CTNND2: variants seen among roughly 807,000 people sequenced by gnomAD.
CTNND2 encodes catenin delta-2.
Under a neutral mutation model 144.4 loss-of-function variants are expected in CTNND2, and 22 were observed. The ratio of observed to expected loss-of-function variants is 0.15; its 90% CI spans 0.11 to 0.22. The LOEUF is 0.22. Ranked by LOEUF, CTNND2 falls within the 10% of genes least tolerant of loss-of-function variation. The pLI is 1.00. For synonymous variants in CTNND2, 751 were observed against 695.6 expected (o/e 1.08, Z -1.25); for missense variants, 1,353 against 1,618.8 (o/e 0.84, Z 2.82).
chr5:11,709,309 A>G (rs1055844335), intron 2 of CTNND2, among the ~76,000 whole-genome samples: 10 of 152,318 alleles, frequency 6.6e-5, no homozygotes, highest in Middle Eastern at 3.4e-3. Context: ...CATAGCTGCT[A>G]TTCTTTAGGA....
At chr5:11,844,571 T>C (rs1794643970) in intron 1 of CTNND2, among the ~76,000 whole-genome samples, 1 of 152,164 alleles carries the variant, frequency 6.6e-6, no homozygotes, top group Admixed American at 6.6e-5. Context: ...AAAATAGCTC[T>C]GGCATTAGTA....
At chr5:11,152,075 C>A (rs141509718) in intron 12 of CTNND2, among the ~76,000 whole-genome samples, 19 of 152,118 alleles carry the variant, frequency 1.2e-4, no homozygotes, top group Middle Eastern at 3.4e-3. Flanking sequence ...AGCTTTTATA[C>A]GTAAAGAAAG....
At chr5:11,334,653 C>A (rs369367316) in intron 9 of CTNND2, among the ~76,000 whole-genome samples, 1 of 152,168 alleles carries the variant, frequency 6.6e-6, no homozygotes, top group East Asian at 1.9e-4. Context: ...CACTGGGCTG[C>A]ATTTCAAAGA....
chr5:11,239,551 T>A (rs1486216551), intron 9 of CTNND2, among the ~76,000 whole-genome samples: 1 of 152,202 alleles, frequency 6.6e-6, no homozygotes, highest in Non-Finnish European at 1.5e-5. Context: ...TAAATACATT[T>A]AAATACGCAG....
At chr5:11,250,343 T>C (rs188222857) in intron 9 of CTNND2, among the ~76,000 whole-genome samples, 6 of 151,968 alleles carry the variant, frequency 3.9e-5, no homozygotes, top group Admixed American at 2.0e-4. Flanking sequence ...TTTCTACCCA[T>C]TGATAAAGTC....
intron 10 of CTNND2, among the ~76,000 whole-genome samples, chr5:11,225,169 G>A (rs1312335729): frequency 6.6e-6 from 1 of 152,140 alleles, no homozygotes; most frequent in African/African-American, 2.4e-5. Flanking sequence ...CTGGAAAACA[G>A]CTGAATTTCT....
chr5:11,372,100 A>G (rs970561476), intron 7 of CTNND2, among the ~76,000 whole-genome samples: 1 of 152,194 alleles, frequency 6.6e-6, no homozygotes, highest in Non-Finnish European at 1.5e-5. Flanking sequence ...TTTGCTGATG[A>G]GGTTTTCCGA....
chr5:11,255,630 G>T lies in CTNND2; in HGVS notation c.1629-18807C>A, dbSNP rs183694498. 2.0e-5 allele frequency among the ~76,000 whole-genome samples: 3 copies of T among 152,256 alleles called. No homozygotes were observed. The East Asian group carries it at 5.8e-4, about 29-fold the overall frequency. ...GGTTACGCATTCTATCTAGTAGGAT[G>T]CAGATGAAGGAAGGCACAGGCACGG... On this transcript the variant is annotated intron_variant, in intron 9 of 21. Transcript: ENST00000304623.
At chr5:11,327,286 A>C (rs1752628053) in intron 9 of CTNND2, among the ~76,000 whole-genome samples, 1 of 152,200 alleles carries the variant, frequency 6.6e-6, no homozygotes, top group African/African-American at 2.4e-5. Flanking sequence ...CCAGATCCCC[A>C]AAGGCAAAGT....
intron 1 of CTNND2, among the ~76,000 whole-genome samples, chr5:11,848,290 T>G (rs1481503854): frequency 6.6e-6 from 1 of 152,150 alleles, no homozygotes; most frequent in East Asian, 1.9e-4. Context: ...CAAATTATTT[T>G]TATTATAGTT....
At chr5:11,040,743 C>G (rs1324120760) in intron 16 of CTNND2, among the ~76,000 whole-genome samples, 1 of 152,062 alleles carries the variant, frequency 6.6e-6, no homozygotes, top group African/African-American at 2.4e-5. Context: ...GAAAATGAGG[C>G]AAGCAACTAA....
At chr5:11,894,364 T>G (rs1737231753) in intron 1 of CTNND2, among the ~76,000 whole-genome samples, 1 of 152,190 alleles carries the variant, frequency 6.6e-6, no homozygotes, top group South Asian at 2.1e-4. Context: ...ATATTTGAAG[T>G]GGTATGAAGA....
intron 2 of CTNND2, among the ~76,000 whole-genome samples, chr5:11,608,588 G>A (rs1400175861): frequency 6.6e-6 from 1 of 152,064 alleles, no homozygotes; most frequent in East Asian, 1.9e-4. Context: ...TGTTGGTTCT[G>A]CCTACAAAAT....
intron 1 of CTNND2, among the ~76,000 whole-genome samples, chr5:11,832,824 C>A (rs1283933166): frequency 6.6e-6 from 1 of 152,096 alleles, no homozygotes; most frequent in Non-Finnish European, 1.5e-5. Context: ...GCCTGTAGTT[C>A]CTGCTACTCA....
At chr5:11,137,419 T>C (rs1229362828) in intron 12 of CTNND2, among the ~76,000 whole-genome samples, 1 of 152,198 alleles carries the variant, frequency 6.6e-6, no homozygotes, top group Non-Finnish European at 1.5e-5. Flanking sequence ...AAATAGTACA[T>C]ACACCCCAAC....
intron 1 of CTNND2, among the ~76,000 whole-genome samples, chr5:11,872,533 T>C (rs1317579223): frequency 6.6e-6 from 1 of 152,208 alleles, no homozygotes; most frequent in Non-Finnish European, 1.5e-5. Context: ...CTCCACATCC[T>C]CTCCAGCATC....
intron 1 of CTNND2, among the ~76,000 whole-genome samples, chr5:11,803,994 G>A (rs1002960334): frequency 6.6e-6 from 1 of 151,972 alleles, no homozygotes; most frequent in African/African-American, 2.4e-5. Context: ...TTAGCCACTG[G>A]CCTCTGTTCT....
At chr5:11,789,950 C>G (rs1339757870) in intron 1 of CTNND2, among the ~76,000 whole-genome samples, 1 of 152,196 alleles carries the variant, frequency 6.6e-6, no homozygotes, top group African/African-American at 2.4e-5. Flanking sequence ...TGTTGAACAT[C>G]TGCTGAGATG....
chr5:11,674,742 T>TGGTTGGTTGGTG (rs1554102937), intron 2 of CTNND2, among the ~76,000 whole-genome samples: 1 of 152,064 alleles, frequency 6.6e-6, no homozygotes. Flanking sequence ...GTTGGTTGGT[T>TGGTTGGTTGGTG]TTGAGACAGA....
Sources: gnomAD v4.1 joint callset for allele counts (sites outside exome capture counted in the v4.1 genomes callset) on GRCh38, gnomAD v4.1.1 for gene constraint, MANE v1.5 for transcripts, NCBI Gene and HGNC (gene_info 2026-07-23, HGNC 2026-07-21) for gene names.